The following RELN variants were observed in gnomAD, a reference collection of about 807,000 sequenced individuals.
RELN encodes the protein reelin.
In RELN, 108 loss-of-function variants were observed where a neutral mutation model predicts 427.6. The observed-to-expected ratio is 0.25, with a 90% CI of 0.22 to 0.30. RELN has a LOEUF of 0.30. Ranked by LOEUF, RELN falls within the 10% of genes least tolerant of loss-of-function variation. The pLI is 1.00. For synonymous variants in RELN, 1,524 were observed against 1,513.4 expected (o/e 1.01, Z -0.16); for missense variants, 3,715 against 4,302.8 (o/e 0.86, Z 3.82).
chr7:103,797,574 A>G (rs760748479), intron 3 of RELN, among the ~76,000 whole-genome samples: 2 of 151,924 alleles, frequency 1.3e-5, no homozygotes, highest in Non-Finnish European at 2.9e-5. Flanking sequence ...TAGTTTTTTT[A>G]TTTTTCTGAT....
At chr7:103,504,700 C>A (rs537431180) in intron 51 of RELN, among the ~76,000 whole-genome samples, 28 of 152,304 alleles carry the variant, frequency 1.8e-4, no homozygotes, top group Admixed American at 3.9e-4. Context: ...CTGGGAGGAA[C>A]AGTGCAATCT....
intron 6 of RELN, among the ~76,000 whole-genome samples, chr7:103,747,903 G>C (rs1440613538): frequency 2.0e-5 from 3 of 151,214 alleles, no homozygotes; most frequent in African/African-American, 7.4e-5. Flanking sequence ...CATGAAAATG[G>C]GCGAAGAAAA....
chr7:103,655,195 G>T (rs1833000444), intron 12 of RELN, among the ~76,000 whole-genome samples: 1 of 152,002 alleles, frequency 6.6e-6, no homozygotes, highest in Non-Finnish European at 1.5e-5. Flanking sequence ...CTAACTAGAA[G>T]CCTCTCTTAA....
At chr7:103,977,310 C>CAAAAAAAAAAAAAAAAAAAAAAAAAAAA (rs201026012) in intron 1 of RELN, among the ~76,000 whole-genome samples, 3 of 88,262 alleles carry the variant, frequency 3.4e-5, no homozygotes, top group African/African-American at 1.6e-4. Context: ...GACTCTGTCT[C>CAAAAAAAAAAAAAAAAAAAAAAAAAAAA]AAAAAAAAAA....
intron 3 of RELN, among the ~76,000 whole-genome samples, chr7:103,781,701 C>T (rs541243958): frequency 6.6e-6 from 1 of 152,226 alleles, no homozygotes; most frequent in African/African-American, 2.4e-5. Flanking sequence ...CCCCATTCTA[C>T]TCTCTACTTC....
chr7:103,611,812 G>C lies in RELN; in HGVS notation c.2703-9C>G, dbSNP rs775212341. On this transcript the variant is annotated splice_polypyrimidine_tract_variant and intron_variant, in intron 20 of 64. Coordinates refer to ENST00000428762, the MANE Select transcript of RELN (RefSeq NM_005045.4). ...TAGAATCTCCTGTAAAACTGAAAGA[G>C]ACAGAGATGGAAATCAGAAAATTCT... 6.3e-5 allele frequency: 102 copies of C among 1,609,694 alleles called. No individual in the cohort carries two copies. Among genetic ancestry groups the C allele is most frequent in the Non-Finnish European group, 8.4e-5 (99 of 1,176,304 alleles).
intron 64 of RELN, among the ~76,000 whole-genome samples, chr7:103,474,718 T>C (rs1334973136): frequency 6.6e-6 from 1 of 152,000 alleles, no homozygotes; most frequent in African/African-American, 2.4e-5. Flanking sequence ...GCTGTGTTAC[T>C]GCCAGCATCC....
chr7:103,767,088 T>TAC (rs1791442678), intron 4 of RELN, among the ~76,000 whole-genome samples: 3 of 152,154 alleles, frequency 2.0e-5, no homozygotes, highest in African/African-American at 2.4e-5. Context: ...CCAATGAATA[T>TAC]ACACACACAC....
chr7:103,846,080 T>C (rs111726421), intron 2 of RELN, among the ~76,000 whole-genome samples: 21,397 of 152,170 alleles, frequency 0.14, 1,707 homozygotes, highest in East Asian at 0.29. Context: ...AAAGAAACTA[T>C]TTTAAATTTC....
chr7:103,777,428 A>T (rs563550365), intron 3 of RELN, among the ~76,000 whole-genome samples: 1 of 152,338 alleles, frequency 6.6e-6, no homozygotes, highest in South Asian at 2.1e-4. Flanking sequence ...CCATACACAA[A>T]ACTTTTTTTA....
chr7:103,614,927 T>C (rs1001994946), intron 20 of RELN, among the ~76,000 whole-genome samples: 3 of 152,206 alleles, frequency 2.0e-5, no homozygotes, highest in Non-Finnish European at 4.4e-5. Flanking sequence ...CTGTTTTTTT[T>C]CACAGACTAT....
At chr7:103,728,799 C>T (rs910110783) in intron 6 of RELN, among the ~76,000 whole-genome samples, 18 of 152,070 alleles carry the variant, frequency 1.2e-4, no homozygotes, top group African/African-American at 4.3e-4. Flanking sequence ...ATACGTTCCA[C>T]CATGCTAAAA....
At chr7:103,538,601 T>C (rs933955365) in intron 45 of RELN, among the ~76,000 whole-genome samples, 48 of 152,098 alleles carry the variant, frequency 3.2e-4, no homozygotes, top group African/African-American at 1.2e-3. Context: ...TGGGGGGATA[T>C]AGAGAGGAGA....
chr7:103,871,125 T>C (rs1447674848), intron 2 of RELN, among the ~76,000 whole-genome samples: 1 of 152,144 alleles, frequency 6.6e-6, no homozygotes, highest in Non-Finnish European at 1.5e-5. Flanking sequence ...GTGGGTTATC[T>C]AGTCAGGTAC....
At chr7:103,808,275 G>C (rs565188276) in intron 3 of RELN, among the ~76,000 whole-genome samples, 28 of 151,092 alleles carry the variant, frequency 1.9e-4, no homozygotes, top group South Asian at 1.7e-3. Context: ...GTGTGGGGAG[G>C]GGGGAGGGAT....
At chr7:103,813,689 G>A (rs1166193789) in intron 3 of RELN, among the ~76,000 whole-genome samples, 1 of 152,042 alleles carries the variant, frequency 6.6e-6, no homozygotes, top group Non-Finnish European at 1.5e-5. Flanking sequence ...CATGAGCATA[G>A]CAAGAAAATC....
intron 2 of RELN, among the ~76,000 whole-genome samples, chr7:103,855,539 G>A (rs1192724224): frequency 6.6e-6 from 1 of 152,214 alleles, no homozygotes; most frequent in East Asian, 1.9e-4. Flanking sequence ...CTATTATTAA[G>A]AAGAGAGGCA....
chr7:103,509,637 A>T (rs184799634), intron 51 of RELN, among the ~76,000 whole-genome samples: 1,790 of 152,340 alleles, frequency 0.012, 27 homozygotes, highest in African/African-American at 0.041. Flanking sequence ...ATGGCAACAA[A>T]AGCCAAAGTA....
At chr7:103,765,442 A>C (rs568859247) in intron 4 of RELN, among the ~76,000 whole-genome samples, 2 of 152,314 alleles carry the variant, frequency 1.3e-5, no homozygotes, top group South Asian at 4.1e-4. Context: ...ACATATGCCC[A>C]CTGGGGATAC....
Sources: allele counts gnomAD v4.1 joint callset (sites outside exome capture counted in the v4.1 genomes callset), GRCh38; gene constraint gnomAD v4.1.1; transcripts MANE v1.5; gene names NCBI Gene and HGNC (gene_info 2026-07-23, HGNC 2026-07-21).